Variants in KCNQ2 observed in about 807,000 individuals in gnomAD.
KCNQ2 encodes potassium voltage-gated channel subfamily Q member 2.
A neutral mutation model predicts 84.8 loss-of-function variants in KCNQ2; 14 were observed. That is an observed-to-expected ratio of 0.17 (90% confidence interval 0.11 to 0.26). KCNQ2 has a LOEUF of 0.26. Ranked by LOEUF, KCNQ2 falls within the 10% of genes least tolerant of loss-of-function variation. The probability of loss-of-function intolerance (pLI) is 1.00; values close to 1 mark genes in which losing one functional copy is unlikely to be tolerated. For synonymous variants in KCNQ2, 599 were observed against 554.1 expected, an observed-to-expected ratio of 1.08 and a Z score of -1.14; for missense variants, 788 against 1,254.0, an observed-to-expected ratio of 0.63 and a Z score of 5.61.
chr20:63,457,071 C>T (rs1043305021), intron 1 of KCNQ2, among the ~76,000 whole-genome samples: 3 of 152,258 alleles, frequency 2.0e-5, no homozygotes, highest in African/African-American at 7.2e-5. Flanking sequence ...CCAGGACACA[C>T]GCCACCTCCC....
chr20:63,443,170 A>AC (rs1288991872), intron 4 of KCNQ2, among the ~76,000 whole-genome samples: 1 of 77,688 alleles, frequency 1.3e-5, no homozygotes, highest in African/African-American at 5.1e-5. Flanking sequence ...CACCACCATC[A>AC]CATCACCATC....
intron 12 of KCNQ2, among the ~76,000 whole-genome samples, chr20:63,417,720 G>A (rs2080338475): frequency 6.6e-6 from 1 of 152,228 alleles, no homozygotes; most frequent in African/African-American, 2.4e-5. Flanking sequence ...GGAGTGGCGT[G>A]GATTCCACAG....
At position 63,407,997 on chromosome 20, in the gene KCNQ2, A is replaced by T; in HGVS notation, c.1887+416T>A. Reference sequence around the variant, plus strand: ...CTGCTCAGGCCCGGCTCTCAGAAGCAGGCCCCAAAACAAGGGTCCTCTGCG... The same window carrying T: ...CTGCTCAGGCCCGGCTCTCAGAAGCTGGCCCCAAAACAAGGGTCCTCTGCG... On this transcript the variant is annotated intron_variant, in intron 16 of 16. Coordinates refer to ENST00000359125, the MANE Select transcript of KCNQ2 (RefSeq NM_172107.4). The surrounding 1 kb of genome is among the most constrained non-coding windows in gnomAD (Gnocchi z 7.2). 1 of 268,348 alleles carries T rather than the reference A, an allele frequency of 3.7e-6. No individual in the cohort carries two copies. Among genetic ancestry groups the T allele is most frequent in the Non-Finnish European group, 7.4e-6 (1 of 135,386 alleles). 16.6% of individuals were successfully genotyped at this position (268,348 alleles called of 1,614,324 possible).
chr20:63,471,630 G>A (rs1236194281), intron 1 of KCNQ2: 1 of 152,838 alleles, frequency 6.5e-6, no homozygotes, highest in Non-Finnish European at 1.5e-5. Flanking sequence ...GCTGCGCTCA[G>A]CCCGGGCTGG....
chr20:63,466,359 G>A (rs1456880401), intron 1 of KCNQ2: 2 of 152,052 alleles, frequency 1.3e-5, no homozygotes, highest in African/African-American at 2.4e-5. Context: ...GCTCGAGCCC[G>A]GGCCCCGCAC....
At chr20:63,434,216 G>A (rs960292782) in intron 7 of KCNQ2, 11 of 406,854 alleles carry the variant, frequency 2.7e-5, no homozygotes, top group Middle Eastern at 6.2e-4. Context: ...CTCTTACCTG[G>A]CCCCTGGCGG....
chr20:63,443,209 C>CACCACCATCACCAT (rs2081287516), intron 4 of KCNQ2, among the ~76,000 whole-genome samples: 1 of 110,902 alleles, frequency 9.0e-6, no homozygotes, highest in Non-Finnish European at 1.9e-5. Context: ...ACCATCACCA[C>CACCACCATCACCAT]CACCACCATG....
intron 5 of KCNQ2, among the ~76,000 whole-genome samples, chr20:63,440,813 C>T (rs893280933): frequency 8.5e-5 from 13 of 152,170 alleles, no homozygotes; most frequent in African/African-American, 2.6e-4. Flanking sequence ...GCCACCACCA[C>T]GCGGAGCGCA....
intron 1 of KCNQ2, among the ~76,000 whole-genome samples, chr20:63,450,599 C>A (rs1387310975): frequency 4.4e-3 from 4 of 912 alleles, no homozygotes; most frequent in African/African-American, 0.025. Flanking sequence ...CCAGGAGATC[C>A]CTAGCGCAGA....
At chr20:63,420,204 G>A (rs1475505467) in intron 11 of KCNQ2, among the ~76,000 whole-genome samples, 3 of 152,226 alleles carry the variant, frequency 2.0e-5, no homozygotes, top group South Asian at 2.1e-4. Flanking sequence ...TGCAGGCATG[G>A]CTATCTGGGG....
At position 63,445,326 on chromosome 20, in the gene KCNQ2, G is replaced by A. The variant is rs780770793; in HGVS notation, c.426C>T (p.Phe142=). 6.4e-5 allele frequency: 103 copies of A among 1,613,872 alleles called. 1 individual carries two copies. The highest frequency in any genetic ancestry group is 6.4e-4 in the South Asian group (58 of 91,086). Residue 142 remains phenylalanine (F), a synonymous_variant, in exon 3 of 17, where the codon TTC becomes TTT. Transcript: ENST00000359125. ...VTIVVFGVEY[F]VRIWAAGCCC... Reference sequence around the variant, plus strand: ...AGCAGCCTGCGGCCCAGATCCGCACGAAGTACTCCACGCCAAACACCACGA... The same window carrying A: ...AGCAGCCTGCGGCCCAGATCCGCACAAAGTACTCCACGCCAAACACCACGA...
Position 63,414,995 on chromosome 20 carries a change from C to T in KCNQ2, c.1433G>A (p.Ser478Asn). ...GAAGCTCCAGCTCTTGGGCACCTTGCTGGGGCTGTCCTCGAGGCTCTGGTC... is the reference window on the plus strand; with the variant it reads ...GAAGCTCCAGCTCTTGGGCACCTTGTTGGGGCTGTCCTCGAGGCTCTGGTC... ...SADQSLEDSP[S>N]KVPKSWSFGD... The change falls in exon 13 of 17, where the codon AGC becomes AAC. Residue 478 changes from serine (S) to asparagine (N), a missense_variant. Coordinates refer to ENST00000359125, the MANE Select transcript of KCNQ2 (RefSeq NM_172107.4). The surrounding 1 kb of genome is among the most constrained non-coding windows in gnomAD (Gnocchi z 6.6). The T allele has an allele frequency of 1.9e-6, 3 of 1,611,724 alleles. No individual in the cohort carries two copies. The highest frequency in any genetic ancestry group is 2.5e-6 in the Non-Finnish European group (3 of 1,179,954).
intron 5 of KCNQ2, among the ~76,000 whole-genome samples, chr20:63,442,202 T>C (rs904392917): frequency 6.6e-6 from 1 of 151,982 alleles, no homozygotes; most frequent in Non-Finnish European, 1.5e-5. Flanking sequence ...TCAGGCTCTC[T>C]GGGGCCCAGC....
At chr20:63,430,533 A>G (rs2080760740) in intron 9 of KCNQ2, among the ~76,000 whole-genome samples, 1 of 152,040 alleles carries the variant, frequency 6.6e-6, no homozygotes, top group South Asian at 2.1e-4. Flanking sequence ...CTTCTGGTCT[A>G]TGTGGGGAGT....
chr20:63,458,372 C>T (rs576873620), intron 1 of KCNQ2, among the ~76,000 whole-genome samples: 14 of 152,218 alleles, frequency 9.2e-5, no homozygotes, highest in African/African-American at 3.4e-4. Context: ...GGACCCCACG[C>T]GACCCATCCA....
chr20:63,467,575 G>A (rs931358119), intron 1 of KCNQ2, among the ~76,000 whole-genome samples: 5 of 152,204 alleles, frequency 3.3e-5, no homozygotes, highest in Non-Finnish European at 5.9e-5. Context: ...CTTGCGAGCA[G>A]CTGCCAGACG....
chr20:63,413,673 C>A, intron 14 of KCNQ2, 92 bp from the exon 15 acceptor site: 2 of 1,467,662 alleles, frequency 1.4e-6, no homozygotes, highest in Admixed American at 3.4e-5. Context: ...GACCTCGGCG[C>A]CTGGAGATGG....
chr20:63,451,231 C>T (rs1053438315), intron 1 of KCNQ2, among the ~76,000 whole-genome samples: 1 of 152,184 alleles, frequency 6.6e-6, no homozygotes, highest in Middle Eastern at 3.4e-3. Context: ...GTGCTCAGTT[C>T]TCCCTGGAGG....
At position 63,408,365 on chromosome 20, in the gene KCNQ2, G is replaced by A. The variant is rs1263648801; in HGVS notation, c.1887+48C>T. On this transcript the variant is annotated intron_variant, in intron 16 of 16. Coordinates refer to ENST00000359125, the MANE Select transcript of KCNQ2 (RefSeq NM_172107.4). The surrounding 1 kb of genome is among the most constrained non-coding windows in gnomAD (Gnocchi z 5.0). ...CCACACTGCCACAGGTTGACGGCAG[G>A]CACCACAGCCCTCCAGCCCCGCACC... The A allele has an allele frequency of 6.3e-7, 1 of 1,597,938 alleles. No homozygotes were observed. The highest frequency in any genetic ancestry group is 8.5e-7 in the Non-Finnish European group (1 of 1,177,330).
Sources: allele counts gnomAD v4.1 joint callset (sites outside exome capture counted in the v4.1 genomes callset), GRCh38; gene constraint gnomAD v4.1.1; non-coding constraint Gnocchi (gnomAD v3.1); transcripts MANE v1.5; gene names NCBI Gene and HGNC (gene_info 2026-07-23, HGNC 2026-07-21).